The following RTN1 variants were observed in gnomAD, a reference collection of about 807,000 sequenced individuals.
The protein encoded by RTN1 is reticulon-1.
RTN1 carries 25 observed loss-of-function variants against 65.5 expected under a neutral mutation model. The ratio of observed to expected loss-of-function variants is 0.38; its 90% CI spans 0.28 to 0.53. The LOEUF (loss-of-function observed/expected upper bound fraction) is 0.53. RTN1 is among the 20% of genes least tolerant of loss of function. RTN1 has a pLI of 0.79. For missense variants in RTN1, 983 were observed against 1,025.4 expected, an observed-to-expected ratio of 0.96 and a Z score of 0.57; for synonymous variants, 471 against 447.6, an observed-to-expected ratio of 1.05 and a Z score of -0.66.
At chr14:59,866,399 T>C (rs1345518527) in intron 1 of RTN1, among the ~76,000 whole-genome samples, 2 of 151,850 alleles carry the variant, frequency 1.3e-5, no homozygotes, top group African/African-American at 4.8e-5. Flanking sequence ...GAATCAGAAG[T>C]AAAAAAGAGA....
At chr14:59,630,954 T>C in intron 3 of RTN1, 1 of 570,774 alleles carries the variant, frequency 1.8e-6, no homozygotes, top group East Asian at 1.4e-4. Flanking sequence ...GTGCATATTC[T>C]AGAAATTTCT....
At chr14:59,779,015 G>C (rs1015399180) in intron 1 of RTN1, among the ~76,000 whole-genome samples, 1 of 152,172 alleles carries the variant, frequency 6.6e-6, no homozygotes, top group Non-Finnish European at 1.5e-5. Context: ...AAGTGTGGTA[G>C]ACAAGGAGCA....
At chr14:59,837,631 T>C (rs1452838890) in intron 1 of RTN1, among the ~76,000 whole-genome samples, 1 of 152,078 alleles carries the variant, frequency 6.6e-6, no homozygotes, top group Non-Finnish European at 1.5e-5. Flanking sequence ...TAAGAATTCA[T>C]AAGTAAATGC....
chr14:59,654,432 GAAAA>G (rs1555353831), intron 3 of RTN1, among the ~76,000 whole-genome samples: 1 of 108,828 alleles, frequency 9.2e-6, no homozygotes, highest in Non-Finnish European at 2.1e-5. Flanking sequence ...CTGTCTCTGT[GAAAA>G]AAAAAAAAAA....
intron 1 of RTN1, among the ~76,000 whole-genome samples, chr14:59,850,940 A>G (rs1428228649): frequency 6.6e-6 from 1 of 152,166 alleles, no homozygotes; most frequent in Non-Finnish European, 1.5e-5. Flanking sequence ...TGTGGAGTTG[A>G]GCATTTCCAT....
intron 2 of RTN1, among the ~76,000 whole-genome samples, chr14:59,733,778 G>T (rs1293634360): frequency 6.6e-6 from 1 of 152,240 alleles, no homozygotes; most frequent in Non-Finnish European, 1.5e-5. Context: ...TGCCACTTTG[G>T]CCATTCAGGC....
At chr14:59,748,216 T>TTTTG (rs1885270183) in intron 1 of RTN1, among the ~76,000 whole-genome samples, 1 of 151,526 alleles carries the variant, frequency 6.6e-6, no homozygotes, top group African/African-American at 2.4e-5. Context: ...TGAGGTTTTT[T>TTTTG]TTTTTTTTTT....
At chr14:59,844,540 T>C (rs1887371836) in intron 1 of RTN1, among the ~76,000 whole-genome samples, 1 of 152,166 alleles carries the variant, frequency 6.6e-6, no homozygotes, top group Non-Finnish European at 1.5e-5. Flanking sequence ...GTAGTCAAAT[T>C]CATGAAGACA....
At chr14:59,788,251 C>T (rs905824424) in intron 1 of RTN1, among the ~76,000 whole-genome samples, 1 of 152,196 alleles carries the variant, frequency 6.6e-6, no homozygotes, top group Admixed American at 6.5e-5. Flanking sequence ...GGCTGCTGAA[C>T]TGAACAGTAT....
At chr14:59,731,688 C>T (rs1216977955) in intron 2 of RTN1, among the ~76,000 whole-genome samples, 1 of 152,154 alleles carries the variant, frequency 6.6e-6, no homozygotes, top group African/African-American at 2.4e-5. Context: ...GGCAACTTCC[C>T]AATCGTTTTT....
Position 59,783,907 on chromosome 14 carries a change from T to C in RTN1, c.242-37426A>G, listed in dbSNP as rs1417727841. Among the ~76,000 whole-genome samples, 29 of 134,702 alleles carry C rather than the reference T, an allele frequency of 2.2e-4. No homozygotes were observed. In the East Asian group the frequency reaches 6.0e-3, roughly 28 times the overall value. 88.4% of individuals were successfully genotyped at this position (134,702 alleles called of 152,430 possible). A position where few individuals can be genotyped will look rare whatever the true frequency, so the allele number is the denominator to read the frequency against. On this transcript the variant is annotated intron_variant, in intron 1 of 8. Transcript: ENST00000267484. ...TTTATAACCTTATAATTTTCCAATC[T>C]GGGGGCAAAAAAAAAAAAAAAAGGT... is the stretch of plus-strand genomic sequence containing the variant.
intron 3 of RTN1, among the ~76,000 whole-genome samples, chr14:59,616,112 A>G (rs946654065): frequency 2.8e-4 from 43 of 152,326 alleles, no homozygotes; most frequent in African/African-American, 9.6e-4. Context: ...TGGTACAAAA[A>G]TCATACAGAA....
intron 1 of RTN1, among the ~76,000 whole-genome samples, chr14:59,809,097 G>A (rs1886685600): frequency 6.6e-6 from 1 of 152,020 alleles, no homozygotes; most frequent in African/African-American, 2.4e-5. Flanking sequence ...CTTTTGCTTT[G>A]ATAAGGCTTA....
intron 1 of RTN1, among the ~76,000 whole-genome samples, chr14:59,802,953 T>G (rs1886573150): frequency 1.3e-5 from 2 of 151,038 alleles, no homozygotes; most frequent in Admixed American, 1.3e-4. Context: ...AGAGGAGAAA[T>G]AGAGAATTTA....
intron 2 of RTN1, among the ~76,000 whole-genome samples, chr14:59,739,524 G>T (rs1477145970): frequency 4.2e-5 from 6 of 142,690 alleles, no homozygotes; most frequent in African/African-American, 1.6e-4. Context: ...CTGGGCAACA[G>T]AGCGAGACTC....
At chr14:59,659,488 G>A (rs1883196688) in intron 3 of RTN1, among the ~76,000 whole-genome samples, 1 of 152,144 alleles carries the variant, frequency 6.6e-6, no homozygotes, top group Non-Finnish European at 1.5e-5. Flanking sequence ...GGCAGCCAGA[G>A]AGAAAAGTCG....
intron 8 of RTN1, among the ~76,000 whole-genome samples, chr14:59,602,086 A>G (rs1881596557): frequency 6.6e-6 from 1 of 152,192 alleles, no homozygotes; most frequent in African/African-American, 2.4e-5. Flanking sequence ...AGTAAAAAAC[A>G]AAAGTTTATA....
At chr14:59,865,602 C>T (rs1887784872) in intron 1 of RTN1, among the ~76,000 whole-genome samples, 1 of 152,162 alleles carries the variant, frequency 6.6e-6, no homozygotes, top group Non-Finnish European at 1.5e-5. Flanking sequence ...CTCTCTGGCT[C>T]ACACTCTTCT....
intron 1 of RTN1, among the ~76,000 whole-genome samples, chr14:59,778,095 C>T (rs1262206913): frequency 2.0e-5 from 3 of 152,248 alleles, no homozygotes; most frequent in African/African-American, 4.8e-5. Flanking sequence ...TCAGTACCTC[C>T]GTCTTATCCT....
Sources: allele counts gnomAD v4.1 joint callset (sites outside exome capture counted in the v4.1 genomes callset), GRCh38; gene constraint gnomAD v4.1.1; transcripts MANE v1.5; gene names NCBI Gene and HGNC (gene_info 2026-07-23, HGNC 2026-07-21).